PRKAG2: variants seen among roughly 807,000 people sequenced by gnomAD.
PRKAG2 encodes protein kinase AMP-activated non-catalytic subunit gamma 2, also known as 5'-AMP-activated protein kinase subunit gamma-2.
In PRKAG2, 26 loss-of-function variants were observed where a neutral mutation model predicts 69.6. The ratio of observed to expected loss-of-function variants is 0.37; its 90% confidence interval spans 0.27 to 0.52. The LOEUF is 0.52. Among genes scored for constraint, PRKAG2 ranks in the 20% least tolerant of loss-of-function variants. The pLI, the probability that PRKAG2 is intolerant of heterozygous loss-of-function variation, is 0.90. For synonymous variants in PRKAG2, 293 were observed against 285.0 expected (o/e 1.03, Z -0.28); for missense variants, 557 against 740.0 (o/e 0.75, Z 2.87).
intron 4 of PRKAG2, among the ~76,000 whole-genome samples, chr7:151,644,285 AAAAAT>A (rs1404284956): frequency 5.3e-5 from 8 of 152,232 alleles, no homozygotes; most frequent in Non-Finnish European, 1.0e-4. Context: ...AGAAAATTAA[AAAAAT>A]AAAATATAGA....
intron 4 of PRKAG2, among the ~76,000 whole-genome samples, chr7:151,652,856 C>T (rs113049656): frequency 6.6e-5 from 10 of 152,166 alleles, no homozygotes; most frequent in South Asian, 6.2e-4. Flanking sequence ...TGGGCTCAAG[C>T]GATCTGCCCG....
intron 1 of PRKAG2, chr7:151,809,408 C>T (rs781118743): frequency 3.0e-5 from 11 of 364,992 alleles, no homozygotes; most frequent in South Asian, 8.0e-5. Flanking sequence ...TGGCGAGCTT[C>T]GAGGGGACTC....
At chr7:151,628,453 T>C (rs1476304427) in intron 5 of PRKAG2, among the ~76,000 whole-genome samples, 4 of 152,176 alleles carry the variant, frequency 2.6e-5, no homozygotes, top group Non-Finnish European at 2.9e-5. Flanking sequence ...GGTTCATGCC[T>C]GTAGGTCCCA....
At chr7:151,838,305 TCG>T (rs1186018001) in intron 1 of PRKAG2, among the ~76,000 whole-genome samples, 1 of 152,000 alleles carries the variant, frequency 6.6e-6, no homozygotes, top group East Asian at 1.9e-4. Context: ...TTGGACACCC[TCG>T]ACCCTGCCAG....
Position 151,781,016 on chromosome 7 carries a change from G to T in PRKAG2, c.466+136C>A. The T allele has an allele frequency of 8.5e-7, 1 of 1,179,810 alleles. No individual in the cohort carries two copies. Among genetic ancestry groups the T allele is most frequent in the Non-Finnish European group, 1.2e-6 (1 of 804,970 alleles). The allele number at this position is 1,179,810 out of a possible 1,614,324, so 73.1% of individuals were successfully genotyped here. On this transcript the variant is annotated intron_variant, in intron 3 of 15. Coordinates refer to ENST00000287878, the MANE Select transcript of PRKAG2 (RefSeq NM_016203.4). This position sits in a 1 kb window ranked among gnomAD's most constrained non-coding sequence, Gnocchi z 6.1. ...TTGTTTAGGGGGAAGTGGGGGTGGG[G>T]AGAAACAGATACAGGCACTCAGCAC...
At chr7:151,671,314 CTT>C in intron 4 of PRKAG2, among the ~76,000 whole-genome samples, 1 of 151,124 alleles carries the variant, frequency 6.6e-6, no homozygotes. Context: ...CAGAAAGTAT[CTT>C]TTTATTACAA....
At chr7:151,695,932 T>C (rs138545976) in intron 3 of PRKAG2, among the ~76,000 whole-genome samples, 83 of 152,302 alleles carry the variant, frequency 5.4e-4, no homozygotes, top group Non-Finnish European at 9.4e-4. Flanking sequence ...AAGAACAGTC[T>C]GGTGTTCATC....
intron 6 of PRKAG2, among the ~76,000 whole-genome samples, chr7:151,587,694 C>T (rs567935579): frequency 1.4e-4 from 21 of 152,298 alleles, no homozygotes; most frequent in Admixed American, 6.5e-4. Flanking sequence ...CTGACCAACA[C>T]TCCTCAAAAC....
Position 151,756,957 on chromosome 7 carries a change from G to A in PRKAG2, c.466+24195C>T, listed in dbSNP as rs1032089347. ...TCAGACGGGGTCAGCGCTGCGATTC[G>A]GGGGAGTAACCAGCGGTGAGCTTCA... On this transcript the variant is annotated intron_variant, in intron 3 of 15. Coordinates refer to ENST00000287878, the MANE Select transcript of PRKAG2 (RefSeq NM_016203.4). The surrounding 1 kb of genome is among the most constrained non-coding windows in gnomAD (Gnocchi z 4.9). Among the ~76,000 whole-genome samples the A allele has an allele frequency of 2.6e-5, 4 of 152,176 alleles. No individual in the cohort carries two copies. Among genetic ancestry groups the A allele is most frequent in the African/African-American group, 7.2e-5 (3 of 41,432 alleles).
In PRKAG2 at chr7:151,756,317, TC is replaced by T. The variant is rs750872998; in HGVS notation, c.466+24834del. ...TTTTAACGTAGGAGCCACCAGAGCT[TC>T]CCCAGGAACCTCTCTGCCTCTGAGG... is the stretch of plus-strand genomic sequence containing the variant. On this transcript the variant is annotated intron_variant, in intron 3 of 15. Coordinates refer to ENST00000287878, the MANE Select transcript of PRKAG2 (RefSeq NM_016203.4). The surrounding 1 kb of genome is among the most constrained non-coding windows in gnomAD (Gnocchi z 4.9). Among the ~76,000 whole-genome samples, 9 of 152,152 alleles carry T rather than the reference TC, an allele frequency of 5.9e-5. No homozygotes were observed. Among genetic ancestry groups the T allele is most frequent in the Admixed American group, 6.5e-5 (1 of 15,276 alleles).
rs144906522 is a variant in PRKAG2, at chr7:151,596,744, C to CAA, written c.755-1292_755-1291dup. Among the ~76,000 whole-genome samples the CAA allele has an allele frequency of 1.5e-3, 229 of 149,752 alleles. 5 individuals are homozygous for CAA. The South Asian group carries it at 0.046, about 30-fold the overall frequency. Reference sequence around the variant, plus strand: ...AGCTTTGGTTACAAAGTGAGACTGTCAAAAAAATAAATAAAAATAAAAAAA... The same window carrying CAA: ...AGCTTTGGTTACAAAGTGAGACTGTCAAAAAAAAATAAATAAAAATAAAAAAA... On this transcript the variant is annotated intron_variant, in intron 5 of 15. Coordinates refer to ENST00000287878, the MANE Select transcript of PRKAG2 (RefSeq NM_016203.4).
rs114797551 is a variant in PRKAG2, at chr7:151,615,456, A to G, written c.754+16613T>C. On this transcript the variant is annotated intron_variant, in intron 5 of 15. Coordinates refer to ENST00000287878, the MANE Select transcript of PRKAG2 (RefSeq NM_016203.4). Reference sequence around the variant, plus strand: ...CTTAAATGTAAAATTGAAAATTATAATAACCTGGAAGATGACCTAGGAAAT... The same window carrying G: ...CTTAAATGTAAAATTGAAAATTATAGTAACCTGGAAGATGACCTAGGAAAT... Among the ~76,000 whole-genome samples, 725 of 152,344 alleles carry G rather than the reference A, an allele frequency of 4.8e-3. 3 individuals carry two copies. The highest frequency in any genetic ancestry group is 0.017 in the African/African-American group (695 of 41,586).
At chr7:151,739,135 G>A (rs1285547343) in intron 3 of PRKAG2, among the ~76,000 whole-genome samples, 3 of 152,200 alleles carry the variant, frequency 2.0e-5, no homozygotes, top group East Asian at 1.9e-4. Context: ...GCTCGGCCCC[G>A]GCATGGCTCC....
intron 4 of PRKAG2, among the ~76,000 whole-genome samples, chr7:151,673,469 G>A (rs1832401700): frequency 6.6e-6 from 1 of 152,038 alleles, no homozygotes; most frequent in African/African-American, 2.4e-5. Flanking sequence ...TTATCCCGGC[G>A]AAACCGCTCT....
chr7:151,815,091 C>A (rs6954429), intron 1 of PRKAG2, among the ~76,000 whole-genome samples: 1 of 152,054 alleles, frequency 6.6e-6, no homozygotes, highest in Admixed American at 6.5e-5. Context: ...GTCCTTGGAG[C>A]ACAAAGATTG....
At position 151,800,290 on chromosome 7, in the gene PRKAG2, G is replaced by A. The variant is rs80008856; in HGVS notation, c.115-13749C>T. 7.0e-3 allele frequency among the ~76,000 whole-genome samples: 1,055 copies of A among 151,578 alleles called. 38 individuals carry two copies. Among genetic ancestry groups the A allele is most frequent in the East Asian group, 0.049 (249 of 5,122 alleles). On this transcript the variant is annotated intron_variant, in intron 1 of 15. Transcript: ENST00000287878. ...GGAGAATGGCGTGAACCCGGGAGGCGGAGCTTGCAGTGAGCTGAGATCACG... is the reference window on the plus strand; with the variant it reads ...GGAGAATGGCGTGAACCCGGGAGGCAGAGCTTGCAGTGAGCTGAGATCACG...
intron 3 of PRKAG2, among the ~76,000 whole-genome samples, chr7:151,712,819 C>T (rs934402020): frequency 1.3e-5 from 2 of 152,242 alleles, no homozygotes; most frequent in African/African-American, 4.8e-5. Flanking sequence ...TCTGAGGCCT[C>T]GTGGAGATTT....
intron 5 of PRKAG2, among the ~76,000 whole-genome samples, chr7:151,612,650 G>A (rs1484819185): frequency 6.6e-6 from 1 of 152,232 alleles, no homozygotes; most frequent in Non-Finnish European, 1.5e-5. Flanking sequence ...CACCAGTCCA[G>A]GGGTCTGACC....
intron 6 of PRKAG2, among the ~76,000 whole-genome samples, chr7:151,582,767 G>T (rs1002672501): frequency 9.2e-5 from 14 of 152,212 alleles, no homozygotes; most frequent in African/African-American, 3.4e-4. Flanking sequence ...ATGGCCTCAA[G>T]CACCAAGGCT....
Sources: gnomAD v4.1 joint callset for allele counts (sites outside exome capture counted in the v4.1 genomes callset) on GRCh38, gnomAD v4.1.1 for gene constraint, Gnocchi (gnomAD v3.1) non-coding constraint, MANE v1.5 for transcripts, NCBI Gene and HGNC (gene_info 2026-07-23, HGNC 2026-07-21) for gene names.